The following VPS13D variants were observed in gnomAD, a reference collection of about 807,000 sequenced individuals.
VPS13D encodes vacuolar protein sorting 13 homolog D.
In VPS13D, 187 loss-of-function variants were observed where a neutral mutation model predicts 461.9. That is an observed-to-expected ratio of 0.40 (90% CI 0.36 to 0.46). The LOEUF (loss-of-function observed/expected upper bound fraction) is 0.46. Among genes scored for constraint, VPS13D ranks in the 20% least tolerant of loss-of-function variants. The pLI is 0.60. For synonymous variants in VPS13D, 1,951 were observed against 1,986.3 expected (o/e 0.98, Z 0.47); for missense variants, 4,711 against 5,364.9 (o/e 0.88, Z 3.81).
In VPS13D at chr1:12,386,247, G is replaced by T. The variant is rs755800092; in HGVS notation, c.11547G>T (p.Leu3849=). 1.9e-6 allele frequency: 3 copies of T among 1,613,710 alleles called. No individual in the cohort carries two copies. Among genetic ancestry groups the T allele is most frequent in the Non-Finnish European group, 2.5e-6 (3 of 1,179,850 alleles). The change falls in exon 60 of 70, where the codon CTG becomes CTT. Residue 3849 remains leucine (L), a synonymous_variant. Transcript: ENST00000620676. ...LSLINKVPEE[L]VFASLTGINV... ...TAATTAATAAAGTCCCAGAAGAACT[G>T]GTCTTTGCAAGTCTTACAGGAATCA...
At chr1:12,313,299 CTTTTTTTT>C (rs765170972) in intron 29 of VPS13D, among the ~76,000 whole-genome samples, 10 of 117,582 alleles carry the variant, frequency 8.5e-5, no homozygotes, top group African/African-American at 2.0e-4. Context: ...TTATTCTTTC[CTTTTTTTT>C]TTTTTTTTTT....
chr1:12,463,966 A>G (rs1038609911), intron 67 of VPS13D, among the ~76,000 whole-genome samples: 3 of 152,228 alleles, frequency 2.0e-5, no homozygotes, highest in Admixed American at 2.0e-4. Flanking sequence ...GGAAGCTATA[A>G]AGAACTATAA....
At chr1:12,306,169 A>G (rs1302313988) in intron 26 of VPS13D, among the ~76,000 whole-genome samples, 1 of 151,948 alleles carries the variant, frequency 6.6e-6, no homozygotes, top group Non-Finnish European at 1.5e-5. Context: ...ATTTTTTAGT[A>G]GAGATGGGGT....
chr1:12,379,371 T>G, intron 56 of VPS13D, 117 bp from the exon 57 acceptor site: 1 of 881,780 alleles, frequency 1.1e-6, no homozygotes, highest in Non-Finnish European at 1.7e-6. Flanking sequence ...CCCATTCAGT[T>G]TTAAGGGTGG....
chr1:12,263,102 A>G (rs1477325002), intron 13 of VPS13D, among the ~76,000 whole-genome samples: 2 of 152,192 alleles, frequency 1.3e-5, no homozygotes, highest in African/African-American at 2.4e-5. Flanking sequence ...CTCATGGCCT[A>G]TAGCACTATA....
chr1:12,346,673 G>T (rs761731514), intron 44 of VPS13D, 21 bp downstream of exon 44: 1 of 1,610,552 alleles, frequency 6.2e-7, no homozygotes, highest in African/African-American at 1.3e-5. Context: ...TTTTCCTGTT[G>T]TCATTGTGTT....
chr1:12,449,048 G>A (rs1645228734), intron 65 of VPS13D, among the ~76,000 whole-genome samples: 1 of 152,004 alleles, frequency 6.6e-6, no homozygotes, highest in Non-Finnish European at 1.5e-5. Context: ...AAAAAGGAGT[G>A]TCTGTTGCCT....
intron 13 of VPS13D, among the ~76,000 whole-genome samples, chr1:12,263,595 G>A (rs1418574111): frequency 1.2e-4 from 19 of 152,178 alleles, no homozygotes; most frequent in Admixed American, 1.2e-3. Context: ...AATTAAAGGT[G>A]TATAAATAAA....
At chr1:12,459,361 G>A (rs1330003253) in intron 66 of VPS13D, among the ~76,000 whole-genome samples, 1 of 152,154 alleles carries the variant, frequency 6.6e-6, no homozygotes, top group Non-Finnish European at 1.5e-5. Context: ...CATTATGTAA[G>A]GGACTTGAGC....
At chr1:12,464,875 A>C (rs1005148502) in intron 67 of VPS13D, 1 of 152,272 alleles carries the variant, frequency 6.6e-6, no homozygotes, top group Non-Finnish European at 1.5e-5. Flanking sequence ...CTCAGGTTGC[A>C]TCTTCTGGCC....
At chr1:12,487,630 A>G (rs556920208) in intron 67 of VPS13D, among the ~76,000 whole-genome samples, 56 of 149,592 alleles carry the variant, frequency 3.7e-4, no homozygotes, top group Non-Finnish European at 1.5e-5. Flanking sequence ...AAAAAAGCAA[A>G]CAAATCACAA....
Position 12,283,329 on chromosome 1 carries a change from A to G in VPS13D, c.5227A>G (p.Thr1743Ala), listed in dbSNP as rs558250144. 2.5e-6 allele frequency: 4 copies of G among 1,614,026 alleles called. No homozygotes were observed. In the South Asian group the frequency reaches 4.4e-5, roughly 18 times the overall value. Residue 1743 changes from threonine to alanine, a missense_variant, in exon 21 of 70, where the codon ACC (threonine) becomes GCC (alanine). Thr to Ala is a moderately conservative substitution (Grantham distance 58). This residue lies in a region of VPS13D where 4,411 missense variants were observed against 4,937.8 expected (regional missense o/e 0.89). Transcript: ENST00000620676. ...TGTCTTCCAGTTGTATCAAAGGCCC[A>G]CCTCTGCGTCCCGGAAAAAGCAAAA... is the stretch of plus-strand genomic sequence containing the variant. ...PNVFQLYQRPTSASRKKQKEV... is the reference protein window; with the variant it reads ...PNVFQLYQRPASASRKKQKEV...
rs1469831451 is a variant in VPS13D, at chr1:12,283,328, C to G, written c.5226C>G (p.Pro1742=). 6.2e-7 allele frequency: 1 copy of G among 1,614,120 alleles called. No individual in the cohort carries two copies. The highest frequency in any genetic ancestry group is 1.7e-5 in the Admixed American group (1 of 60,012). Residue 1742 remains proline (P), a synonymous_variant, in exon 21 of 70, where the codon CCC becomes CCG. Transcript: ENST00000620676. ...APNVFQLYQR[P]TSASRKKQKE... is the part of the protein sequence containing the mutation. ...ATGTCTTCCAGTTGTATCAAAGGCC[C>G]ACCTCTGCGTCCCGGAAAAAGCAAA...
rs561054839 is a variant in VPS13D, at chr1:12,358,645, G to T, written c.10141+44G>T. 2.5e-6 allele frequency: 4 copies of T among 1,605,472 alleles called. No homozygotes were observed. The African/African-American group carries it at 5.3e-5, about 21-fold the overall frequency. ...AGCGGGACAATCAGAACCATTGGCC[G>T]ATGACCTCAGGCTTGGAGGAATGAC... On this transcript the variant is annotated intron_variant, in intron 50 of 69. Transcript: ENST00000620676.
intron 26 of VPS13D, among the ~76,000 whole-genome samples, chr1:12,306,838 A>G (rs943411118): frequency 2.0e-5 from 3 of 152,276 alleles, no homozygotes; most frequent in Middle Eastern, 3.4e-3. Flanking sequence ...GGAGCACACA[A>G]TCTAGATCCT....
At chr1:12,398,951 A>G (rs1261985008) in intron 60 of VPS13D, among the ~76,000 whole-genome samples, 1 of 152,176 alleles carries the variant, frequency 6.6e-6, no homozygotes, top group Non-Finnish European at 1.5e-5. Flanking sequence ...GACCTGAAGC[A>G]AGGGCCTCTC....
chr1:12,325,731 AT>A (rs1258796739), intron 35 of VPS13D, among the ~76,000 whole-genome samples: 2 of 152,232 alleles, frequency 1.3e-5, no homozygotes, highest in Non-Finnish European at 2.9e-5. Flanking sequence ...TATCAGCAGC[AT>A]CTTCCCATGT....
intron 39 of VPS13D, chr1:12,338,021 AG>A: frequency 2.2e-6 from 1 of 463,150 alleles, no homozygotes; most frequent in East Asian, 3.2e-5. Flanking sequence ...ACTTTGATCC[AG>A]CCTCCACAAT....
rs367990860 is a variant in VPS13D, at chr1:12,348,797, A to G, written c.9070-26A>G. ...TATATGTTTTTTCAGAAACATAACT[A>G]TTTTGTCTTTATCGCTCTTTCACAG... On this transcript the variant is annotated intron_variant, in intron 44 of 69. Coordinates refer to ENST00000620676, the MANE Select transcript of VPS13D (RefSeq NM_015378.4). 4.3e-6 allele frequency: 7 copies of G among 1,611,062 alleles called. No homozygotes were observed. In the African/African-American group the frequency reaches 9.4e-5, roughly 22 times the overall value.
Sources: gnomAD v4.1 joint callset for allele counts (sites outside exome capture counted in the v4.1 genomes callset) on GRCh38, gnomAD v4.1.1 for gene constraint, gnomAD v4.1.1 regional missense constraint, MANE v1.5 for transcripts, NCBI Gene and HGNC (gene_info 2026-07-23, HGNC 2026-07-21) for gene names.